ITSN1: variants seen among roughly 807,000 people sequenced by gnomAD.
The protein encoded by ITSN1 is intersectin-1.
A neutral mutation model predicts 239.8 loss-of-function variants in ITSN1; 58 were observed. The observed-to-expected ratio is 0.24, with a 90% CI of 0.20 to 0.30. ITSN1 has a LOEUF of 0.30. Among genes scored for constraint, ITSN1 ranks in the 10% least tolerant of loss-of-function variants. The probability of loss-of-function intolerance (pLI) is 1.00; values close to 1 mark genes in which losing one functional copy is unlikely to be tolerated. For missense variants in ITSN1, 1,558 were observed against 2,103.3 expected, an observed-to-expected ratio of 0.74 and a Z score of 5.07; for synonymous variants, 780 against 770.8, an observed-to-expected ratio of 1.01 and a Z score of -0.20.
intron 5 of ITSN1, among the ~76,000 whole-genome samples, chr21:33,747,172 GA>G (rs1419285838): frequency 2.0e-5 from 3 of 152,160 alleles, no homozygotes; most frequent in East Asian, 3.9e-4. Flanking sequence ...AACAAAACCT[GA>G]AAAGTTCAAT....
intron 29 of ITSN1, among the ~76,000 whole-genome samples, chr21:33,841,414 G>A (rs553466399): frequency 6.6e-6 from 1 of 152,214 alleles, no homozygotes; most frequent in Non-Finnish European, 1.5e-5. Flanking sequence ...TATTGAATGA[G>A]TGAATGAAAT....
Position 33,895,485 on chromosome 21 carries a change from GTGCA to G in ITSN1, c.*7192_*7195del, listed in dbSNP as rs1476339731. ...TGTGCGTGTGTGTGCATGGGTTTGC[GTGCA>G]TGCATGTGTGTGCGTGCGCGTGTTT... On this transcript the variant is annotated 3_prime_UTR_variant, in exon 40 of 40. Coordinates refer to ENST00000381318, the MANE Select transcript of ITSN1 (RefSeq NM_003024.3). The G allele has an allele frequency of 1.3e-5, 2 of 151,466 alleles. No homozygotes were observed. The highest frequency in any genetic ancestry group is 2.9e-5 in the Non-Finnish European group (2 of 68,128). The allele number at this position is 151,466 out of a possible 1,614,324, so 9.4% of individuals were successfully genotyped here. A position where few individuals can be genotyped will look rare whatever the true frequency, so the allele number is the denominator to read the frequency against.
At chr21:33,727,018 TA>T (rs1331293801) in intron 4 of ITSN1, among the ~76,000 whole-genome samples, 1 of 152,214 alleles carries the variant, frequency 6.6e-6, no homozygotes, top group Non-Finnish European at 1.5e-5. Flanking sequence ...CTTTCAACTG[TA>T]ATCTGTTAAT....
chr21:33,695,248 C>G (rs2146722733), intron 1 of ITSN1, among the ~76,000 whole-genome samples: 1 of 152,310 alleles, frequency 6.6e-6, no homozygotes, highest in Middle Eastern at 3.4e-3. Flanking sequence ...CTGTATTAAA[C>G]TTATTTATTT....
At chr21:33,823,688 G>A in intron 25 of ITSN1, 35 bp downstream of exon 25, 1 of 1,583,810 alleles carries the variant, frequency 6.3e-7, no homozygotes. Context: ...CTCCCTTTCT[G>A]TGCGGTGATT....
At chr21:33,647,021 C>G (rs553586044) in intron 1 of ITSN1, among the ~76,000 whole-genome samples, 1 of 151,770 alleles carries the variant, frequency 6.6e-6, no homozygotes, top group Non-Finnish European at 1.5e-5. Flanking sequence ...ATTGCTAACT[C>G]CTTGGTACTA....
intron 11 of ITSN1, 131 bp from the exon 12 acceptor site, chr21:33,771,930 G>A: frequency 1.0e-6 from 1 of 963,848 alleles, no homozygotes; most frequent in South Asian, 1.7e-5. Flanking sequence ...TCATTAACAA[G>A]GACACAGAAG....
In ITSN1 at chr21:33,753,761, TAAAAAAAAAAAA is replaced by T. The variant is rs760085854; in HGVS notation, c.624-1519_624-1508del. Among the ~76,000 whole-genome samples the T allele has an allele frequency of 2.2e-3, 180 of 81,766 alleles. 3 individuals carry two copies. Among genetic ancestry groups the T allele is most frequent in the African/African-American group, 9.6e-3 (169 of 17,574 alleles). The allele number at this position is 81,766 out of a possible 152,430, so 53.6% of individuals were successfully genotyped here. ...TGGGTGACACGGCAAGTCTCTTTCT[TAAAAAAAAAAAA>T]AAAAAAAAAAAAAAAATTCTCCTAT... On this transcript the variant is annotated intron_variant, in intron 7 of 39. Transcript: ENST00000381318.
intron 31 of ITSN1, among the ~76,000 whole-genome samples, chr21:33,859,362 T>C (rs1980021119): frequency 6.6e-6 from 1 of 152,202 alleles, no homozygotes; most frequent in Non-Finnish European, 1.5e-5. Context: ...ACTCACTGCC[T>C]TTCCTTTTTG....
At chr21:33,783,909 G>T (rs1547236) in intron 16 of ITSN1, among the ~76,000 whole-genome samples, 123 of 152,216 alleles carry the variant, frequency 8.1e-4, no homozygotes, top group Admixed American at 1.4e-3. Flanking sequence ...TAAATGTCTA[G>T]AAGATTAAAT....
At chr21:33,849,764 A>G (rs1015389378) in intron 29 of ITSN1, among the ~76,000 whole-genome samples, 7 of 152,216 alleles carry the variant, frequency 4.6e-5, no homozygotes, top group African/African-American at 1.7e-4. Flanking sequence ...AAAATAGCTC[A>G]GGTGCGCCAT....
At chr21:33,760,316 C>A (rs2068218705) in intron 8 of ITSN1, among the ~76,000 whole-genome samples, 1 of 151,998 alleles carries the variant, frequency 6.6e-6, no homozygotes. Flanking sequence ...AAAAGAGAGG[C>A]AAATAGGGGC....
intron 31 of ITSN1, among the ~76,000 whole-genome samples, chr21:33,862,897 C>T (rs1306917144): frequency 6.6e-6 from 1 of 152,084 alleles, no homozygotes; most frequent in Non-Finnish European, 1.5e-5. Context: ...TCCACTTGGT[C>T]TGCAGACTTC....
intron 24 of ITSN1, among the ~76,000 whole-genome samples, chr21:33,822,203 T>G (rs2073720578): frequency 6.6e-6 from 1 of 152,244 alleles, no homozygotes; most frequent in South Asian, 2.1e-4. Context: ...GCTGCCCACG[T>G]GAGCACAAGA....
rs544370380 is a variant in ITSN1, at chr21:33,652,494, A to G, written c.-33+9781A>G. On this transcript the variant is annotated intron_variant, in intron 1 of 39. Coordinates refer to ENST00000381318, the MANE Select transcript of ITSN1 (RefSeq NM_003024.3). ...TTTTTTGCTACATCGTCATATATGT[A>G]ATCAGTCACTTATTGCTGGACCTAT... is the stretch of plus-strand genomic sequence containing the variant. Among the ~76,000 whole-genome samples, 5 of 152,228 alleles carry G rather than the reference A, an allele frequency of 3.3e-5. No homozygotes were observed. The South Asian group carries it at 1.0e-3, about 32-fold the overall frequency.
rs1421603057 is a variant in ITSN1 at position 33,711,228 on chromosome 21, A to AT, written c.-32-7563dup. 2.0e-5 allele frequency among the ~76,000 whole-genome samples: 3 copies of AT among 151,680 alleles called. No individual in the cohort carries two copies. In the East Asian group the frequency reaches 5.8e-4, roughly 29 times the overall value. On this transcript the variant is annotated intron_variant, in intron 1 of 39. Transcript: ENST00000381318. ...GGCATAAGGCTTTTTACTATTTCTT[A>AT]TTTTTTAAATGTTTGTAGGATTGAT... is the stretch of plus-strand genomic sequence containing the variant.
intron 29 of ITSN1, among the ~76,000 whole-genome samples, chr21:33,841,850 T>G (rs1380735053): frequency 2.6e-5 from 4 of 151,940 alleles, no homozygotes; most frequent in African/African-American, 9.7e-5. Flanking sequence ...GTATTCGGGG[T>G]CTGGTAGGAT....
chr21:33,828,952 C>G (rs1275337722), intron 26 of ITSN1: 2 of 471,258 alleles, frequency 4.2e-6, no homozygotes, highest in Non-Finnish European at 8.8e-6. Context: ...GCATAAAGTT[C>G]CCTTCTTAAC....
At chr21:33,762,253 G>T (rs7282455) in intron 9 of ITSN1, among the ~76,000 whole-genome samples, 34,365 of 151,242 alleles carry the variant, frequency 0.23, 6,356 homozygotes, top group African/African-American at 0.51. Flanking sequence ...GGCTCTCCCT[G>T]TCTTTGATTT....
Sources: allele counts gnomAD v4.1 joint callset (sites outside exome capture counted in the v4.1 genomes callset), GRCh38; gene constraint gnomAD v4.1.1; transcripts MANE v1.5; gene names NCBI Gene and HGNC (gene_info 2026-07-23, HGNC 2026-07-21).